The following LAMA2 variants were observed in gnomAD, a reference collection of about 807,000 sequenced individuals.
LAMA2 encodes the protein laminin subunit alpha-2.
Under a neutral mutation model 364.8 loss-of-function variants are expected in LAMA2, and 269 were observed. The observed-to-expected ratio is 0.74, with a 90% CI of 0.67 to 0.82. The LOEUF (loss-of-function observed/expected upper bound fraction) is 0.82. Among genes scored for constraint, LAMA2 ranks in the 40% least tolerant of loss-of-function variants. LAMA2 has a pLI of 0.00. For missense variants in LAMA2, 3,807 were observed against 3,873.2 expected, an observed-to-expected ratio of 0.98 and a Z score of 0.45; for synonymous variants, 1,379 against 1,370.6, an observed-to-expected ratio of 1.01 and a Z score of -0.14.
Position 128,916,193 on chromosome 6 carries a change from A to G in LAMA2, c.112+32836A>G, listed in dbSNP as rs192837775. On this transcript the variant is annotated intron_variant, in intron 1 of 64. Transcript: ENST00000421865. Reference sequence around the variant, plus strand: ...AGTTTAATGGTCTTAAGTGGGTAGCATAATAGCCAGGTGAACAACAAAAAA... The same window carrying G: ...AGTTTAATGGTCTTAAGTGGGTAGCGTAATAGCCAGGTGAACAACAAAAAA... 2.7e-3 allele frequency among the ~76,000 whole-genome samples: 407 copies of G among 152,278 alleles called. 1 individual carries two copies. The highest frequency in any genetic ancestry group is 5.0e-3 in the Non-Finnish European group (338 of 68,010).
At chr6:128,937,106 T>A (rs762671379) in intron 1 of LAMA2, among the ~76,000 whole-genome samples, 49 of 152,314 alleles carry the variant, frequency 3.2e-4, no homozygotes, top group Non-Finnish European at 6.5e-4. Context: ...CATGATTGAG[T>A]ACAGGTAACT....
At chr6:129,098,641 A>G (rs1775328433) in intron 4 of LAMA2, among the ~76,000 whole-genome samples, 1 of 152,228 alleles carries the variant, frequency 6.6e-6, no homozygotes, top group Non-Finnish European at 1.5e-5. Context: ...AAGAGGAAAT[A>G]GGTTTAATCT....
intron 4 of LAMA2, among the ~76,000 whole-genome samples, chr6:129,112,072 A>G (rs1296890987): frequency 6.6e-6 from 1 of 151,914 alleles, no homozygotes; most frequent in Non-Finnish European, 1.5e-5. Flanking sequence ...GTGACAGTTG[A>G]CACCTTTTAG....
intron 1 of LAMA2, among the ~76,000 whole-genome samples, chr6:128,962,183 T>TACACACACAC (rs1242291382): frequency 4.4e-5 from 5 of 113,922 alleles, no homozygotes; most frequent in African/African-American, 1.2e-4. Context: ...TATATATATA[T>TACACACACAC]ATACACACAT....
In LAMA2 at chr6:129,418,146, CCTCT is replaced by C. The variant is rs1204479250; in HGVS notation, c.5866-9605_5866-9602del. ...TCAGAAGAGTTTTCATCGCCTGCTCCCTCTGTTTTCACTGCTTGGTGACTGTGGT... is the reference window on the plus strand; with the variant it reads ...TCAGAAGAGTTTTCATCGCCTGCTCCGTTTTCACTGCTTGGTGACTGTGGT... On this transcript the variant is annotated intron_variant, in intron 40 of 64. Transcript: ENST00000421865. Among the ~76,000 whole-genome samples, 4 of 152,186 alleles carry C rather than the reference CCTCT, an allele frequency of 2.6e-5. No individual in the cohort carries two copies. In the East Asian group the frequency reaches 7.7e-4, roughly 29 times the overall value.
intron 54 of LAMA2, among the ~76,000 whole-genome samples, chr6:129,479,198 T>C (rs979598097): frequency 1.3e-5 from 2 of 152,152 alleles, no homozygotes; most frequent in African/African-American, 2.4e-5. Flanking sequence ...TCTGGAACCA[T>C]TGAAGTTTAC....
intron 64 of LAMA2, among the ~76,000 whole-genome samples, chr6:129,515,707 T>C (rs1787000054): frequency 6.6e-6 from 1 of 152,262 alleles, no homozygotes; most frequent in South Asian, 2.1e-4. Flanking sequence ...GTCACAACTA[T>C]AAATTTGTTC....
intron 32 of LAMA2, among the ~76,000 whole-genome samples, chr6:129,365,565 G>A (rs1346355761): frequency 1.3e-5 from 2 of 151,890 alleles, no homozygotes; most frequent in Non-Finnish European, 2.9e-5. Context: ...GTTTCACCAT[G>A]TTGGTCAGGC....
intron 20 of LAMA2, among the ~76,000 whole-genome samples, chr6:129,297,254 G>T (rs1399525922): frequency 5.3e-5 from 8 of 152,152 alleles, no homozygotes; most frequent in Non-Finnish European, 1.2e-4. Context: ...TAGGCTGCTG[G>T]TCAATAATGT....
chr6:129,503,371 G>T (rs1354550078), intron 60 of LAMA2, 91 bp downstream of exon 60: 10 of 1,202,288 alleles, frequency 8.3e-6, no homozygotes, highest in Non-Finnish European at 1.2e-5. Context: ...TTTTGCCAGG[G>T]CAGACACTGA....
chr6:128,891,011 T>C (rs1436739782), intron 1 of LAMA2, among the ~76,000 whole-genome samples: 1 of 152,102 alleles, frequency 6.6e-6, no homozygotes, highest in Non-Finnish European at 1.5e-5. Context: ...AGAGGGTGTA[T>C]TTGTGTATGT....
At chr6:129,330,376 CT>C (rs1361311203) in intron 29 of LAMA2, among the ~76,000 whole-genome samples, 3 of 151,790 alleles carry the variant, frequency 2.0e-5, no homozygotes, top group Non-Finnish European at 4.4e-5. Context: ...TATGTGCCCC[CT>C]CTCCATCTGC....
intron 12 of LAMA2, among the ~76,000 whole-genome samples, chr6:129,217,175 G>C (rs1016962118): frequency 7.2e-6 from 1 of 139,136 alleles, no homozygotes; most frequent in Non-Finnish European, 1.6e-5. Context: ...GTGACAGAGC[G>C]AGACTCCATC....
At chr6:129,297,179 A>G (rs1773236943) in intron 20 of LAMA2, among the ~76,000 whole-genome samples, 1 of 152,232 alleles carries the variant, frequency 6.6e-6, no homozygotes, top group Non-Finnish European at 1.5e-5. Context: ...GCAATGATTA[A>G]AAGTATTTAT....
At chr6:129,228,335 T>C (rs1355713292) in intron 12 of LAMA2, among the ~76,000 whole-genome samples, 1 of 152,058 alleles carries the variant, frequency 6.6e-6, no homozygotes, top group Non-Finnish European at 1.5e-5. Flanking sequence ...GCAACCACTG[T>C]CCTGCACCCA....
At chr6:129,499,530 T>C (rs1351728693) in intron 58 of LAMA2, among the ~76,000 whole-genome samples, 1 of 152,220 alleles carries the variant, frequency 6.6e-6, no homozygotes, top group Admixed American at 6.5e-5. Context: ...AAGATCATTT[T>C]ATTTCTGAGC....
chr6:129,272,352 A>G (rs1446117101), intron 17 of LAMA2, among the ~76,000 whole-genome samples: 2 of 152,152 alleles, frequency 1.3e-5, no homozygotes, highest in African/African-American at 4.8e-5. Flanking sequence ...CATTAGTTAT[A>G]ATAGGACTCT....
chr6:129,407,524 C>T (rs969535764), intron 40 of LAMA2, among the ~76,000 whole-genome samples: 4 of 152,190 alleles, frequency 2.6e-5, no homozygotes, highest in African/African-American at 9.6e-5. Flanking sequence ...TTTCCTAGTA[C>T]AAGTGTATAC....
intron 4 of LAMA2, among the ~76,000 whole-genome samples, chr6:129,131,989 A>G (rs979016559): frequency 2.6e-5 from 4 of 152,012 alleles, no homozygotes; most frequent in Admixed American, 6.6e-5. Context: ...TACTCCCCAG[A>G]TGTCAATAAT....
Sources: allele counts gnomAD v4.1 joint callset (sites outside exome capture counted in the v4.1 genomes callset), GRCh38; gene constraint gnomAD v4.1.1; transcripts MANE v1.5; gene names NCBI Gene and HGNC (gene_info 2026-07-23, HGNC 2026-07-21).